Variants in LAMP3 observed in about 807,000 individuals in gnomAD.
LAMP3 encodes lysosome-associated membrane glycoprotein 3.
LAMP3 carries 26 observed loss-of-function variants against 34.8 expected under a neutral mutation model. That is an observed-to-expected ratio of 0.75 (90% CI 0.55 to 1.04). The LOEUF (loss-of-function observed/expected upper bound fraction) is 1.04. Among genes scored for constraint, LAMP3 ranks in the 50% least tolerant of loss-of-function variants. The pLI is 0.00. For missense variants in LAMP3, 495 were observed against 524.0 expected, an observed-to-expected ratio of 0.94 and a Z score of 0.54; for synonymous variants, 180 against 201.9, an observed-to-expected ratio of 0.89 and a Z score of 0.92.
At chr3:183,140,234 C>A (rs1238135020) in intron 4 of LAMP3, among the ~76,000 whole-genome samples, 1 of 151,762 alleles carries the variant, frequency 6.6e-6, no homozygotes, top group Non-Finnish European at 1.5e-5. Flanking sequence ...TGGTGAAATC[C>A]CATCTCTACT....
chr3:183,162,530 C>T (rs1015422961), intron 1 of LAMP3, 77 bp downstream of exon 1: 6 of 1,426,500 alleles, frequency 4.2e-6, no homozygotes, highest in South Asian at 3.7e-5. Flanking sequence ...CTGTGGCGCC[C>T]GGGACTCCAG....
intron 1 of LAMP3, among the ~76,000 whole-genome samples, chr3:183,159,205 T>C (rs1327858665): frequency 6.6e-6 from 1 of 152,250 alleles, no homozygotes; most frequent in African/African-American, 2.4e-5. Context: ...CAAGTGTCTT[T>C]ATCAAATCCC....
intron 5 of LAMP3, among the ~76,000 whole-genome samples, chr3:183,131,642 G>A (rs920841682): frequency 3.3e-5 from 5 of 152,264 alleles, no homozygotes; most frequent in Admixed American, 3.3e-4. Context: ...AAAACAAGGA[G>A]AGCAAAAATG....
chr3:183,150,565 CTTTTTTTTTTT>C (rs10665288), intron 3 of LAMP3, among the ~76,000 whole-genome samples: 2 of 86,092 alleles, frequency 2.3e-5, no homozygotes, highest in African/African-American at 8.4e-5. Flanking sequence ...GCCAAAGTGA[CTTTTTTTTTTT>C]TTTTTTTTTT....
intron 4 of LAMP3, among the ~76,000 whole-genome samples, chr3:183,136,655 A>G (rs1413797335): frequency 7.0e-6 from 1 of 142,584 alleles, no homozygotes; most frequent in Admixed American, 6.7e-5. Flanking sequence ...CCGTTTCAGA[A>G]AAAAAAAAAA....
chr3:183,127,115 C>G (rs760627420), intron 5 of LAMP3, among the ~76,000 whole-genome samples: 20 of 152,172 alleles, frequency 1.3e-4, no homozygotes, highest in Non-Finnish European at 2.2e-4. Flanking sequence ...AGAGTCCCTT[C>G]CATCTCCCCT....
At chr3:183,145,432 C>CA (rs1278412477) in intron 3 of LAMP3, among the ~76,000 whole-genome samples, 3 of 152,150 alleles carry the variant, frequency 2.0e-5, no homozygotes, top group Non-Finnish European at 2.9e-5. Context: ...AACTGAGGCT[C>CA]AGAGATCATG....
chr3:183,150,346 G>A (rs1023133227), intron 3 of LAMP3, among the ~76,000 whole-genome samples: 4 of 152,210 alleles, frequency 2.6e-5, no homozygotes, highest in Non-Finnish European at 5.9e-5. Flanking sequence ...GTAACATAAA[G>A]AGAGGTTGAA....
intron 5 of LAMP3, among the ~76,000 whole-genome samples, chr3:183,125,151 AG>A (rs1308411915): frequency 6.6e-6 from 1 of 152,192 alleles, no homozygotes. Flanking sequence ...CTGGGGTAAA[AG>A]GGGAAGTTGA....
chr3:183,125,981 C>T (rs7619457), intron 5 of LAMP3, among the ~76,000 whole-genome samples: 4,768 of 151,616 alleles, frequency 0.031, 244 homozygotes, highest in African/African-American at 0.11. Context: ...ATTTCTTAAA[C>T]GAAAAAAGAA....
intron 3 of LAMP3, among the ~76,000 whole-genome samples, chr3:183,149,801 C>T (rs1391483638): frequency 1.3e-5 from 2 of 151,638 alleles, no homozygotes; most frequent in Admixed American, 1.3e-4. Flanking sequence ...TTACACATTG[C>T]ATGCCTATAT....
rs10665288 is a variant in LAMP3, at chr3:183,150,565, C to CTTTTTTTTTTTTT, written c.888+1797_888+1809dup. On this transcript the variant is annotated intron_variant, in intron 3 of 5. Coordinates refer to ENST00000265598, the MANE Select transcript of LAMP3 (RefSeq NM_014398.4). ...ATCTTCTGCTATTTTGCCAAAGTGA[C>CTTTTTTTTTTTTT]TTTTTTTTTTTTTTTTTTTTTTGGA... 1.5e-3 allele frequency among the ~76,000 whole-genome samples: 130 copies of CTTTTTTTTTTTTT among 86,094 alleles called. 2 individuals carry two copies. The highest frequency in any genetic ancestry group is 5.3e-3 in the African/African-American group (126 of 23,758). 56.5% of individuals were successfully genotyped at this position (86,094 alleles called of 152,430 possible). A position where few individuals can be genotyped will look rare whatever the true frequency, so the allele number is the denominator to read the frequency against.
intron 1 of LAMP3, chr3:183,158,025 A>C (rs1012068025): frequency 2.0e-5 from 3 of 152,422 alleles, no homozygotes; most frequent in Non-Finnish European, 2.9e-5. Flanking sequence ...CAAATGGCTC[A>C]ACCAAAAGTG....
chr3:183,148,645 T>G (rs1433317001), intron 3 of LAMP3, among the ~76,000 whole-genome samples: 3 of 152,176 alleles, frequency 2.0e-5, no homozygotes. Flanking sequence ...TACAATGAGA[T>G]GTCATCTCAC....
At chr3:183,130,406 C>G (rs993185402) in intron 5 of LAMP3, among the ~76,000 whole-genome samples, 1 of 152,036 alleles carries the variant, frequency 6.6e-6, no homozygotes, top group Admixed American at 6.6e-5. Context: ...GATCCGCCCG[C>G]CTCGGCCTCC....
intron 3 of LAMP3, among the ~76,000 whole-genome samples, chr3:183,141,380 T>C (rs1038176109): frequency 6.6e-6 from 1 of 152,048 alleles, no homozygotes; most frequent in African/African-American, 2.4e-5. Context: ...AAACAAAGGG[T>C]CTGAAACCTT....
chr3:183,154,384 C>T lies in LAMP3; in HGVS notation c.57G>A (p.Leu19=), dbSNP rs879239176. Residue 19 remains leucine (L), a synonymous_variant, in exon 2 of 6, where the codon TTG becomes TTA. Coordinates refer to ENST00000265598, the MANE Select transcript of LAMP3 (RefSeq NM_014398.4). Reference sequence around the variant, plus strand: ...TTGCTCTCATTTGACTGCCATCGTGCAAAATTACTGAAAATTAGGAAATAA... The same window carrying T: ...TTGCTCTCATTTGACTGCCATCGTGTAAAATTACTGAAAATTAGGAAATAA... ...AALFASLAVI[L]HDGSQMRAKA... The T allele has an allele frequency of 1.3e-6, 2 of 1,590,950 alleles. No individual in the cohort carries two copies. Among genetic ancestry groups the T allele is most frequent in the Non-Finnish European group, 1.7e-6 (2 of 1,169,572 alleles).
intron 5 of LAMP3, among the ~76,000 whole-genome samples, chr3:183,126,086 T>G (rs1387482571): frequency 6.6e-6 from 1 of 152,208 alleles, no homozygotes; most frequent in South Asian, 2.1e-4. Flanking sequence ...TAATTCTATC[T>G]CTAGGAAATT....
At chr3:183,146,305 C>T (rs1720436814) in intron 3 of LAMP3, among the ~76,000 whole-genome samples, 1 of 152,172 alleles carries the variant, frequency 6.6e-6, no homozygotes, top group Admixed American at 6.5e-5. Context: ...AATGTTAATA[C>T]TGTTGCTGTT....
Sources: gnomAD v4.1 joint callset for allele counts (sites outside exome capture counted in the v4.1 genomes callset) on GRCh38, gnomAD v4.1.1 for gene constraint, MANE v1.5 for transcripts, NCBI Gene and HGNC (gene_info 2026-07-23, HGNC 2026-07-21) for gene names.